Variants in TAOK1 observed in about 807,000 individuals in gnomAD.
The protein encoded by TAOK1 is serine/threonine-protein kinase TAO1.
TAOK1 carries 21 observed loss-of-function variants against 138.3 expected under a neutral mutation model. The ratio of observed to expected loss-of-function variants is 0.15; its 90% CI spans 0.11 to 0.22. The LOEUF (loss-of-function observed/expected upper bound fraction) is 0.22, where lower values mean the gene tolerates loss of function less well. Among genes scored for constraint, TAOK1 ranks in the 10% least tolerant of loss-of-function variants. The probability of loss-of-function intolerance (pLI) is 1.00; values close to 1 mark genes in which losing one functional copy is unlikely to be tolerated. For synonymous variants in TAOK1, 361 were observed against 398.4 expected, an observed-to-expected ratio of 0.91 and a Z score of 1.12; for missense variants, 651 against 1,227.7, an observed-to-expected ratio of 0.53 and a Z score of 7.02.
chr17:29,479,823 G>T (rs2031023205), intron 6 of TAOK1, among the ~76,000 whole-genome samples: 2 of 151,884 alleles, frequency 1.3e-5, no homozygotes. Context: ...GTAAATTTGG[G>T]ATCATTGATA....
rs557077824 is a variant in TAOK1, at chr17:29,539,905, A to C, written c.2545-2656A>C. 2.6e-5 allele frequency among the ~76,000 whole-genome samples: 4 copies of C among 152,312 alleles called. No homozygotes were observed. The South Asian group carries it at 8.3e-4, about 32-fold the overall frequency. On this transcript the variant is annotated intron_variant, in intron 19 of 19. Coordinates refer to ENST00000261716, the MANE Select transcript of TAOK1 (RefSeq NM_020791.4). ...GAAAAAAAGCAAAAATTGCAGTAGA[A>C]TGTGGCAAAATATAATAACAGATTT...
chr17:29,474,265 T>A (rs2030894516), intron 3 of TAOK1, among the ~76,000 whole-genome samples: 2 of 152,196 alleles, frequency 1.3e-5, no homozygotes, highest in African/African-American at 4.8e-5. Flanking sequence ...AATAAACTTG[T>A]TTTACCTTCT....
intron 8 of TAOK1, among the ~76,000 whole-genome samples, chr17:29,484,611 C>T (rs1342409438): frequency 6.6e-6 from 1 of 151,108 alleles, no homozygotes; most frequent in Non-Finnish European, 1.5e-5. Context: ...TCTTTTTTTG[C>T]GGGGTGGGAG....
intron 1 of TAOK1, among the ~76,000 whole-genome samples, chr17:29,411,516 C>G (rs1263716140): frequency 3.9e-5 from 6 of 152,108 alleles, no homozygotes; most frequent in Admixed American, 3.9e-4. Context: ...CTCAGCCTCC[C>G]AAGTAGCTGG....
At chr17:29,463,949 A>G (rs1228098123) in intron 2 of TAOK1, among the ~76,000 whole-genome samples, 1 of 152,222 alleles carries the variant, frequency 6.6e-6, no homozygotes, top group Non-Finnish European at 1.5e-5. Flanking sequence ...ATGGCCAAGA[A>G]ACACATGAAA....
At chr17:29,468,751 G>A (rs745928695) in intron 3 of TAOK1, among the ~76,000 whole-genome samples, 1 of 151,900 alleles carries the variant, frequency 6.6e-6, no homozygotes, top group African/African-American at 2.4e-5. Flanking sequence ...ATTTCACCAC[G>A]TTGGCCAGGC....
intron 13 of TAOK1, among the ~76,000 whole-genome samples, chr17:29,504,029 T>C (rs1390416314): frequency 2.6e-5 from 4 of 151,756 alleles, no homozygotes; most frequent in African/African-American, 7.2e-5. Flanking sequence ...GAGAATCGCT[T>C]GAACCCGGGA....
intron 2 of TAOK1, among the ~76,000 whole-genome samples, chr17:29,466,115 T>C (rs1184831186): frequency 6.6e-6 from 1 of 152,164 alleles, no homozygotes; most frequent in African/African-American, 2.4e-5. Flanking sequence ...TGGTGAATTA[T>C]GAAATGTTTT....
chr17:29,469,516 A>G (rs915760798), intron 3 of TAOK1, among the ~76,000 whole-genome samples: 25 of 152,300 alleles, frequency 1.6e-4, no homozygotes, highest in African/African-American at 4.8e-4. Flanking sequence ...TTCTGTCTCC[A>G]TAAATTTGAC....
At chr17:29,443,361 T>C (rs568583076) in intron 1 of TAOK1, among the ~76,000 whole-genome samples, 7 of 152,364 alleles carry the variant, frequency 4.6e-5, no homozygotes, top group African/African-American at 1.4e-4. Context: ...TGTTATTGTC[T>C]ATTATTTGAC....
At chr17:29,447,955 C>CT (rs56163080) in intron 1 of TAOK1, among the ~76,000 whole-genome samples, 2,386 of 93,216 alleles carry the variant, frequency 0.026, 36 homozygotes, top group South Asian at 0.05. Flanking sequence ...TGCACCTGGT[C>CT]TTTTTTTTTT....
intron 1 of TAOK1, among the ~76,000 whole-genome samples, chr17:29,415,974 C>G (rs766323270): frequency 7.2e-5 from 11 of 151,992 alleles, no homozygotes; most frequent in African/African-American, 1.7e-4. Context: ...TAAAAAAGAA[C>G]AGTTTTGCTG....
Position 29,488,679 on chromosome 17 carries a change from G to A in TAOK1, c.656-985G>A, listed in dbSNP as rs187334807. 2.9e-3 allele frequency among the ~76,000 whole-genome samples: 437 copies of A among 150,092 alleles called. 2 individuals carry two copies. The highest frequency in any genetic ancestry group is 1.8e-3 in the Non-Finnish European group (124 of 67,608). ...TTTCAGTCTATGGTTGAAATATTTC[G>A]GTTGGTTCAGTCTGTGGATGCAGAA... is the stretch of plus-strand genomic sequence containing the variant. On this transcript the variant is annotated intron_variant, in intron 8 of 19. Transcript: ENST00000261716.
At chr17:29,480,942 A>G (rs551864670) in intron 7 of TAOK1, among the ~76,000 whole-genome samples, 2 of 152,078 alleles carry the variant, frequency 1.3e-5, no homozygotes, top group Non-Finnish European at 2.9e-5. Context: ...ATTAGTGATT[A>G]GTGCTTCATT....
At chr17:29,493,955 C>T (rs1179434465) in intron 10 of TAOK1, among the ~76,000 whole-genome samples, 3 of 151,768 alleles carry the variant, frequency 2.0e-5, no homozygotes, top group South Asian at 2.1e-4. Context: ...CTTGCTCTGT[C>T]GCACAGGCTG....
At chr17:29,531,487 CG>C (rs929599348) in intron 18 of TAOK1, among the ~76,000 whole-genome samples, 129 of 468 alleles carry the variant, frequency 0.28, no homozygotes, top group African/African-American at 0.41. Flanking sequence ...TAAGGCTGCG[CG>C]CCAGTGGCTC....
chr17:29,460,061 T>C (rs897919758), intron 2 of TAOK1, among the ~76,000 whole-genome samples: 1 of 152,252 alleles, frequency 6.6e-6, no homozygotes, highest in Non-Finnish European at 1.5e-5. Flanking sequence ...ATCTACAAAG[T>C]GGTGAAAGTA....
At chr17:29,441,508 G>C (rs2029939469) in intron 1 of TAOK1, among the ~76,000 whole-genome samples, 1 of 152,134 alleles carries the variant, frequency 6.6e-6, no homozygotes, top group South Asian at 2.1e-4. Flanking sequence ...TTGGTAGTTT[G>C]TGTGATTTTA....
chr17:29,501,224 A>T (rs1331508603), intron 12 of TAOK1, among the ~76,000 whole-genome samples: 1 of 53,940 alleles, frequency 1.9e-5, no homozygotes, highest in Non-Finnish European at 5.1e-5. Flanking sequence ...ATCTGTTTAA[A>T]AAAAAAAAAA....
Sources: gnomAD v4.1 joint callset for allele counts (sites outside exome capture counted in the v4.1 genomes callset) on GRCh38, gnomAD v4.1.1 for gene constraint, MANE v1.5 for transcripts, NCBI Gene and HGNC (gene_info 2026-07-23, HGNC 2026-07-21) for gene names.